Variants in KDM6A observed in about 807,000 individuals in gnomAD.
KDM6A encodes lysine-specific demethylase 6A.
A neutral mutation model predicts 117.6 loss-of-function variants in KDM6A; 11 were observed. The ratio of observed to expected loss-of-function variants is 0.09; its 90% CI spans 0.06 to 0.15. The LOEUF is 0.15. Among genes scored for constraint, KDM6A ranks in the 10% least tolerant of loss-of-function variants. KDM6A has a pLI of 1.00. For synonymous variants in KDM6A, 384 were observed against 396.1 expected (o/e 0.97, Z 0.36); for missense variants, 799 against 1,077.3 (o/e 0.74, Z 3.62).
At chrX:45,012,088 C>T (rs1423523499) in intron 5 of KDM6A, among the ~76,000 whole-genome samples, 1 of 110,190 alleles carries the variant, frequency 9.1e-6, no homozygotes, top group Non-Finnish European at 1.9e-5. Flanking sequence ...ACGCTGGCAT[C>T]ATCATTTGTT....
At chrX:44,912,998 A>G (rs1047036076) in intron 2 of KDM6A, among the ~76,000 whole-genome samples, 1 of 111,882 alleles carries the variant, frequency 8.9e-6, no homozygotes, top group Non-Finnish European at 1.9e-5. Flanking sequence ...CATCTGTAAA[A>G]TAAGGATAAT....
chrX:45,060,145 A>G lies in KDM6A; in HGVS notation c.1318A>G (p.Thr440Ala). ...TACCTCCAGGCAGGGTGCCATGAAC[A>G]CAGCACAGCAGGTGAGAAGTTGGGT... is the stretch of plus-strand genomic sequence containing the variant. The part of the protein sequence containing the change: ...ELTSRQGAMN[T>A]AQQACKPHHP... The change falls in exon 13 of 30, where the codon ACA (threonine) becomes GCA (alanine). Residue 440 changes from threonine (T) to alanine (A), a missense_variant. This residue lies in a region of KDM6A where 301 missense variants were observed against 318.3 expected (regional missense o/e 0.95). Coordinates refer to ENST00000611820, the MANE Select transcript of KDM6A (RefSeq NM_001291415.2). The G allele has an allele frequency of 8.3e-7, 1 of 1,211,778 alleles. No individual in the cohort carries two copies. The highest frequency in any genetic ancestry group is 1.1e-6 in the Non-Finnish European group (1 of 895,482).
At chrX:44,918,987 A>G (rs951658209) in intron 2 of KDM6A, among the ~76,000 whole-genome samples, 4 of 111,876 alleles carry the variant, frequency 3.6e-5, no homozygotes, top group South Asian at 3.7e-4. Flanking sequence ...GTAGAAATAA[A>G]TATTCTGACA....
At chrX:45,098,450 C>T (rs1251825260) in intron 27 of KDM6A, among the ~76,000 whole-genome samples, 2 of 112,588 alleles carry the variant, frequency 1.8e-5, no homozygotes, top group African/African-American at 3.2e-5. Context: ...AAATCTGTAT[C>T]GCTGGACTTT....
chrX:45,085,629 ACTGC>A (rs1254409689), intron 24 of KDM6A, among the ~76,000 whole-genome samples: 1 of 112,002 alleles, frequency 8.9e-6, no homozygotes, highest in African/African-American at 3.2e-5. Flanking sequence ...CCATGATTAT[ACTGC>A]CTATCATAGA....
rs2039674596 is a variant in KDM6A, at chrX:44,977,525, A to G, written c.384+2810A>G. Reference sequence around the variant, plus strand: ...GTAATTCTCCCACCTCGGCCTCCCAAAGTGCTGGGATTACAGGTGTGAGCC... The same window carrying G: ...GTAATTCTCCCACCTCGGCCTCCCAGAGTGCTGGGATTACAGGTGTGAGCC... On this transcript the variant is annotated intron_variant, in intron 4 of 29. Coordinates refer to ENST00000611820, the MANE Select transcript of KDM6A (RefSeq NM_001291415.2). Among the ~76,000 whole-genome samples, 5 of 111,691 alleles carry G rather than the reference A, an allele frequency of 4.5e-5. No homozygotes were observed. In the South Asian group the frequency reaches 1.9e-3, roughly 42 times the overall value.
intron 7 of KDM6A, among the ~76,000 whole-genome samples, chrX:45,036,860 GT>G (rs974388691): frequency 2.7e-5 from 3 of 112,630 alleles, no homozygotes; most frequent in African/African-American, 9.7e-5. Context: ...TTAAATCTCA[GT>G]TGTAGATCAT....
At chrX:45,040,909 C>CGGGCAGAG (rs1488045458) in intron 8 of KDM6A, among the ~76,000 whole-genome samples, 1 of 53,912 alleles carries the variant, frequency 1.9e-5, no homozygotes, top group Non-Finnish European at 3.5e-5. Context: ...GGCGGCTGGC[C>CGGGCAGAG]GGGCAGAGGG....
chrX:45,006,367 C>T (rs772343217), intron 4 of KDM6A, among the ~76,000 whole-genome samples: 2 of 109,691 alleles, frequency 1.8e-5, no homozygotes, highest in South Asian at 8.0e-4. Context: ...AGAAATAGCA[C>T]TCGAATATAA....
Position 45,048,869 on chromosome X carries a change from TTAAAGA to T in KDM6A, c.655-2835_655-2830del, listed in dbSNP as rs1271525693. ...GAGGCAAAACTTCTACTCAACACTA[TTAAAGA>T]TAAACTCAAGTTACTTTTTTACACA... On this transcript the variant is annotated intron_variant, in intron 8 of 29. Coordinates refer to ENST00000611820, the MANE Select transcript of KDM6A (RefSeq NM_001291415.2). 4.8e-5 allele frequency among the ~76,000 whole-genome samples: 5 copies of T among 105,162 alleles called. No homozygotes were observed. The Admixed American group carries it at 5.0e-4, about 10-fold the overall frequency. 91.3% of individuals were successfully genotyped at this position (105,162 alleles called of 115,157 possible). A position where few individuals can be genotyped will look rare whatever the true frequency, so the allele number is the denominator to read the frequency against.
At chrX:44,946,233 G>T (rs1009330469) in intron 2 of KDM6A, among the ~76,000 whole-genome samples, 1 of 111,198 alleles carries the variant, frequency 9.0e-6, no homozygotes, top group African/African-American at 3.3e-5. Context: ...TGGGATTACA[G>T]GTGCACACCA....
intron 2 of KDM6A, among the ~76,000 whole-genome samples, chrX:44,909,880 TA>T (rs1255705408): frequency 8.9e-6 from 1 of 112,164 alleles, no homozygotes; most frequent in African/African-American, 3.2e-5. Flanking sequence ...GTGAAAAGAA[TA>T]AAGGAGATAA....
chrX:45,018,057 G>T (rs1379172117), intron 5 of KDM6A, among the ~76,000 whole-genome samples: 3 of 111,298 alleles, frequency 2.7e-5, no homozygotes, highest in Non-Finnish European at 3.8e-5. Flanking sequence ...CAATAATAGG[G>T]GTAGAAGAAG....
In KDM6A at chrX:44,886,545, A is replaced by G. The variant is rs1457862032; in HGVS notation, c.225+12558A>G. Among the ~76,000 whole-genome samples, 3 of 102,632 alleles carry G rather than the reference A, an allele frequency of 2.9e-5. No individual in the cohort carries two copies. The Admixed American group carries it at 3.2e-4, about 11-fold the overall frequency. 89.1% of individuals were successfully genotyped at this position (102,632 alleles called of 115,157 possible). A position where few individuals can be genotyped will look rare whatever the true frequency, so the allele number is the denominator to read the frequency against. ...TGCTCTGTTGCCTAGACTGGAGTGC[A>G]GTGGCAGGATCTCGGCTCACTGCAA... On this transcript the variant is annotated intron_variant, in intron 2 of 29. Coordinates refer to ENST00000611820, the MANE Select transcript of KDM6A (RefSeq NM_001291415.2).
intron 2 of KDM6A, among the ~76,000 whole-genome samples, chrX:44,906,569 A>T (rs1044084918): frequency 2.8e-5 from 3 of 107,330 alleles, no homozygotes; most frequent in Non-Finnish European, 5.8e-5. Context: ...CTTCCAGAAT[A>T]AAAAAAAAAA....
chrX:44,991,389 C>G (rs1177190919), intron 4 of KDM6A, among the ~76,000 whole-genome samples: 1 of 108,902 alleles, frequency 9.2e-6, no homozygotes, highest in Non-Finnish European at 1.9e-5. Context: ...TCCATAATGC[C>G]TCCTACAGTC....
At chrX:44,894,391 T>C (rs761597382) in intron 2 of KDM6A, among the ~76,000 whole-genome samples, 17 of 111,591 alleles carry the variant, frequency 1.5e-4, no homozygotes, top group Non-Finnish European at 2.3e-4. Context: ...TATAGGACTC[T>C]TCAGATTGTC....
chrX:45,069,781 A>G lies in KDM6A; in HGVS notation c.2282A>G (p.Gln761Arg), dbSNP rs1318537707. 2 of 1,210,840 alleles carry G rather than the reference A, an allele frequency of 1.7e-6. No individual in the cohort carries two copies. Among genetic ancestry groups the G allele is most frequent in the Admixed American group, 2.2e-5 (1 of 45,943 alleles). The stretch of plus-strand genomic sequence containing the variant: ...TCTCACACTGCTACCTCAGGTGGAC[A>G]ACAAGGCATTACCTTAACCAAAGAG... The part of the protein sequence containing the change: ...LSSHTATSGG[Q>R]QGITLTKESK... Residue 761 changes from glutamine to arginine, a missense_variant, in exon 18 of 30, where the codon CAA (glutamine) becomes CGA (arginine). Physicochemically the swap from Gln to Arg is conservative, Grantham distance 43. Around this residue, in one of 8 missense-constraint regions of KDM6A, gnomAD observed 301 missense variants for 318.3 expected, o/e 0.95. Coordinates refer to ENST00000611820, the MANE Select transcript of KDM6A (RefSeq NM_001291415.2).
chrX:44,946,133 G>A (rs765012232), intron 2 of KDM6A, among the ~76,000 whole-genome samples: 1 of 112,562 alleles, frequency 8.9e-6, no homozygotes, highest in Non-Finnish European at 1.9e-5. Context: ...GTCTTGCTTT[G>A]TCGCCCAGAC....
Sources: allele counts gnomAD v4.1 joint callset (sites outside exome capture counted in the v4.1 genomes callset), GRCh38; gene constraint gnomAD v4.1.1; regional missense constraint gnomAD v4.1.1; transcripts MANE v1.5; gene names NCBI Gene and HGNC (gene_info 2026-07-23, HGNC 2026-07-21).